HSPA12A: variants seen among roughly 807,000 people sequenced by gnomAD.
HSPA12A encodes heat shock protein family A (Hsp70) member 12A.
Under a neutral mutation model 69.2 loss-of-function variants are expected in HSPA12A, and 28 were observed. The observed-to-expected ratio is 0.40, with a 90% CI of 0.30 to 0.55. HSPA12A has a LOEUF of 0.55. Ranked by LOEUF, HSPA12A falls within the 20% of genes least tolerant of loss-of-function variation. The probability of loss-of-function intolerance (pLI) is 0.38; values close to 1 mark genes in which losing one functional copy is unlikely to be tolerated. For missense variants in HSPA12A, 686 were observed against 900.7 expected (o/e 0.76, Z 3.05); for synonymous variants, 345 against 370.5 (o/e 0.93, Z 0.79).
At chr10:116,792,435 C>G (rs953776724) in intron 2 of HSPA12A, among the ~76,000 whole-genome samples, 10 of 151,728 alleles carry the variant, frequency 6.6e-5, no homozygotes, top group African/African-American at 2.4e-4. Flanking sequence ...CTAATGATAA[C>G]TATCAACCCC....
intron 2 of HSPA12A, among the ~76,000 whole-genome samples, chr10:116,784,963 G>A (rs1041862282): frequency 1.3e-5 from 2 of 152,156 alleles, no homozygotes; most frequent in Admixed American, 6.5e-5. Context: ...AAACCAGAGA[G>A]GCCCCAGTCC....
chr10:116,754,398 A>C (rs1329790030), intron 2 of HSPA12A, among the ~76,000 whole-genome samples: 3 of 152,256 alleles, frequency 2.0e-5, no homozygotes, highest in Admixed American at 6.5e-5. Flanking sequence ...CAGTATCCTG[A>C]TAAAGTTCTA....
intron 10 of HSPA12A, among the ~76,000 whole-genome samples, chr10:116,678,163 A>C (rs1849293201): frequency 6.6e-6 from 1 of 151,872 alleles, no homozygotes; most frequent in Admixed American, 6.6e-5. Context: ...CCATGGAGCC[A>C]CCCCTAATGC....
At chr10:116,739,588 G>A (rs1589675885) in intron 1 of HSPA12A, among the ~76,000 whole-genome samples, 3 of 151,886 alleles carry the variant, frequency 2.0e-5, no homozygotes, top group African/African-American at 2.4e-5. Context: ...ATCCCTGTCC[G>A]AACCACTCTG....
rs1199176585 is a variant in HSPA12A at position 116,699,157 on chromosome 10, C to T, written c.442-418G>A. Among the ~76,000 whole-genome samples the T allele has an allele frequency of 4.6e-5, 7 of 152,198 alleles. No individual in the cohort carries two copies. In the East Asian group the frequency reaches 1.3e-3, roughly 29 times the overall value. ...CCTGATGGAGGCCTAATCGTACCAA[C>T]CCACTGCCATCCACGATGCTAAACA... On this transcript the variant is annotated intron_variant, in intron 4 of 11. Coordinates refer to ENST00000369209, the MANE Select transcript of HSPA12A (RefSeq NM_025015.3).
chr10:116,689,445 C>T (rs12268494), intron 6 of HSPA12A, among the ~76,000 whole-genome samples: 23,597 of 151,976 alleles, frequency 0.16, 2,047 homozygotes, highest in South Asian at 0.26. Context: ...TGGGCAGCCA[C>T]CGCCTTGCAG....
At chr10:116,688,396 G>A (rs1381289197) in intron 6 of HSPA12A, among the ~76,000 whole-genome samples, 1 of 152,218 alleles carries the variant, frequency 6.6e-6, no homozygotes, top group Non-Finnish European at 1.5e-5. Context: ...GAGCGACATC[G>A]TAGTAGCTTT....
intron 5 of HSPA12A, among the ~76,000 whole-genome samples, chr10:116,695,689 G>A (rs1279861533): frequency 6.6e-5 from 10 of 151,944 alleles, no homozygotes; most frequent in East Asian, 1.9e-4. Flanking sequence ...GGTGGCGGGC[G>A]CCTGTAGTCC....
chr10:116,772,174 G>A (rs924381872), intron 2 of HSPA12A, among the ~76,000 whole-genome samples: 10 of 152,150 alleles, frequency 6.6e-5, no homozygotes, highest in Admixed American at 2.6e-4. Flanking sequence ...CATGCAAGTG[G>A]AGATGTCCAG....
At chr10:116,755,915 T>C (rs1370694752) in intron 2 of HSPA12A, among the ~76,000 whole-genome samples, 2 of 151,752 alleles carry the variant, frequency 1.3e-5, no homozygotes, top group East Asian at 3.9e-4. Context: ...CACCTGAGCC[T>C]GGGGAGGTTG....
At chr10:116,726,331 C>T (rs1007905208) in intron 1 of HSPA12A, among the ~76,000 whole-genome samples, 3 of 152,104 alleles carry the variant, frequency 2.0e-5, no homozygotes, top group Admixed American at 6.5e-5. Context: ...CATCTCTCAG[C>T]CCATTCCTTC....
At chr10:116,684,332 G>A (rs182548952) in intron 6 of HSPA12A, among the ~76,000 whole-genome samples, 66 of 152,238 alleles carry the variant, frequency 4.3e-4, no homozygotes, top group African/African-American at 1.6e-3. Flanking sequence ...CAGTGGTGAA[G>A]GCATGGAGTT....
chr10:116,750,478 A>C (rs1039997841), intron 2 of HSPA12A: 16 of 527,798 alleles, frequency 3.0e-5, no homozygotes, highest in Middle Eastern at 5.8e-4. Context: ...TTAATGCAGA[A>C]GTGCATCGAA....
intron 1 of HSPA12A, among the ~76,000 whole-genome samples, chr10:116,731,891 G>C (rs1236182875): frequency 6.6e-6 from 1 of 152,150 alleles, no homozygotes; most frequent in Non-Finnish European, 1.5e-5. Context: ...AAGAAAAACA[G>C]ACAGACATCA....
intron 2 of HSPA12A, among the ~76,000 whole-genome samples, chr10:116,785,872 A>C (rs989864330): frequency 4.0e-5 from 6 of 150,296 alleles, no homozygotes; most frequent in Non-Finnish European, 8.9e-5. Context: ...GATTCCTCCT[A>C]TTTCCCCCCC....
chr10:116,807,483 G>A (rs1845091529), intron 2 of HSPA12A, among the ~76,000 whole-genome samples: 1 of 152,096 alleles, frequency 6.6e-6, no homozygotes, highest in Non-Finnish European at 1.5e-5. Flanking sequence ...ACTGGATTGA[G>A]TGTGCCACAC....
chr10:116,803,461 C>A (rs571364023), intron 2 of HSPA12A, among the ~76,000 whole-genome samples: 1 of 152,304 alleles, frequency 6.6e-6, no homozygotes, highest in Admixed American at 6.5e-5. Context: ...CAGGCACCCC[C>A]TGAGCTGAAT....
Position 116,675,828 on chromosome 10 carries a change from G to A in HSPA12A, c.1391-410C>T, listed in dbSNP as rs560972469. On this transcript the variant is annotated intron_variant, in intron 11 of 11. Coordinates refer to ENST00000369209, the MANE Select transcript of HSPA12A (RefSeq NM_025015.3). The surrounding 1 kb of genome is among the most constrained non-coding windows in gnomAD (Gnocchi z 5.2). ...TCCTAGAGAGTCTGATTTGGTAGGCGGGGGACAGGATACTGAAAGAGGTCC... is the reference window on the plus strand; with the variant it reads ...TCCTAGAGAGTCTGATTTGGTAGGCAGGGGACAGGATACTGAAAGAGGTCC... Among the ~76,000 whole-genome samples the A allele has an allele frequency of 1.3e-5, 2 of 152,258 alleles. No homozygotes were observed. Among genetic ancestry groups the A allele is most frequent in the Admixed American group, 6.5e-5 (1 of 15,292 alleles).
intron 2 of HSPA12A, among the ~76,000 whole-genome samples, chr10:116,833,586 T>A (rs1427673638): frequency 6.6e-6 from 1 of 152,130 alleles, no homozygotes; most frequent in Non-Finnish European, 1.5e-5. Flanking sequence ...CAATAATTTT[T>A]CTCCCGAAAA....
Sources: gnomAD v4.1 joint callset for allele counts (sites outside exome capture counted in the v4.1 genomes callset) on GRCh38, gnomAD v4.1.1 for gene constraint, Gnocchi (gnomAD v3.1) non-coding constraint, MANE v1.5 for transcripts, NCBI Gene and HGNC (gene_info 2026-07-23, HGNC 2026-07-21) for gene names.